SH3KBP1: variants seen among roughly 807,000 people sequenced by gnomAD.
SH3KBP1 encodes SH3 domain containing kinase binding protein 1, also known as SH3 domain-containing kinase-binding protein 1.
SH3KBP1 carries 8 observed loss-of-function variants against 50.1 expected under a neutral mutation model. The ratio of observed to expected loss-of-function variants is 0.16; its 90% CI spans 0.09 to 0.29. The LOEUF (loss-of-function observed/expected upper bound fraction) is 0.29, where lower values mean the gene tolerates loss of function less well. Ranked by LOEUF, SH3KBP1 falls within the 10% of genes least tolerant of loss-of-function variation. SH3KBP1 has a pLI of 1.00. For synonymous variants in SH3KBP1, 227 were observed against 218.6 expected (o/e 1.04, Z -0.34); for missense variants, 377 against 535.2 (o/e 0.70, Z 2.92).
intron 6 of SH3KBP1, among the ~76,000 whole-genome samples, chrX:19,667,417 A>C (rs1422690926): frequency 9.0e-6 from 1 of 111,397 alleles, no homozygotes; most frequent in Non-Finnish European, 1.9e-5. Flanking sequence ...TGAGGCTAGG[A>C]GTTCAAAACC....
chrX:19,603,355 C>T (rs908327558), intron 9 of SH3KBP1, among the ~76,000 whole-genome samples: 7 of 112,404 alleles, frequency 6.2e-5, no homozygotes, highest in African/African-American at 1.6e-4. Flanking sequence ...ACAAAATGAC[C>T]GGGGCAGGCA....
chrX:19,736,803 G>T (rs1218113306), intron 3 of SH3KBP1, among the ~76,000 whole-genome samples: 1 of 111,413 alleles, frequency 9.0e-6, no homozygotes, highest in East Asian at 2.8e-4. Flanking sequence ...ATAATTAGAA[G>T]AAAATGCCCC....
chrX:19,743,611 A>T (rs2064834985), intron 3 of SH3KBP1, among the ~76,000 whole-genome samples: 1 of 111,720 alleles, frequency 9.0e-6, no homozygotes, highest in Non-Finnish European at 1.9e-5. Flanking sequence ...AGCTTCCTTC[A>T]AACCCAAGAT....
rs757944498 is a variant in SH3KBP1 at position 19,684,824 on chromosome X, T to C, written c.521-796A>G. Among the ~76,000 whole-genome samples the C allele has an allele frequency of 2.8e-4, 31 of 112,189 alleles. No individual in the cohort carries two copies. The South Asian group carries it at 7.0e-3, about 25-fold the overall frequency. ...ATGACACTCTTCCTTTGATCTTCTG[T>C]GGCATGTGTTTGGAAGTCATAAAAT... On this transcript the variant is annotated intron_variant, in intron 5 of 17. Coordinates refer to ENST00000397821, the MANE Select transcript of SH3KBP1 (RefSeq NM_031892.3).
At chrX:19,765,801 T>C (rs1333094039) in intron 2 of SH3KBP1, among the ~76,000 whole-genome samples, 3 of 112,183 alleles carry the variant, frequency 2.7e-5, no homozygotes, top group African/African-American at 9.7e-5. Context: ...ATAGGTTAAG[T>C]CATACAGTAT....
chrX:19,610,092 C>A lies in SH3KBP1; in HGVS notation c.898-2047G>T, dbSNP rs766199992. ...CTTAGTCACAGACTATAAATTCTAG[C>A]CCCAACTAACAACAAAAAAAACCAA... is the stretch of plus-strand genomic sequence containing the variant. On this transcript the variant is annotated intron_variant, in intron 8 of 17. Transcript: ENST00000397821. 2.7e-5 allele frequency among the ~76,000 whole-genome samples: 3 copies of A among 111,496 alleles called. No homozygotes were observed. In the South Asian group the frequency reaches 1.1e-3, roughly 42 times the overall value.
intron 1 of SH3KBP1, among the ~76,000 whole-genome samples, chrX:19,871,371 A>ACACAG (rs1170859562): frequency 8.9e-6 from 1 of 112,660 alleles, no homozygotes; most frequent in East Asian, 2.8e-4. Flanking sequence ...GAATTCCAAT[A>ACACAG]CACAGCAGTA....
At chrX:19,692,661 GTGTGTGTGTA>G (rs1397313360) in intron 5 of SH3KBP1, among the ~76,000 whole-genome samples, 9 of 75,454 alleles carry the variant, frequency 1.2e-4, no homozygotes, top group African/African-American at 5.8e-4. Context: ...GTGTGTGTGT[GTGTGTGTGTA>G]TGTATATATA....
chrX:19,576,025 G>A (rs2066186354), intron 12 of SH3KBP1, among the ~76,000 whole-genome samples: 1 of 112,344 alleles, frequency 8.9e-6, no homozygotes, highest in Admixed American at 9.5e-5. Context: ...GAGTTTCTAT[G>A]CCTACAGCTG....
At chrX:19,863,653 G>T (rs1416153320) in intron 1 of SH3KBP1, among the ~76,000 whole-genome samples, 1 of 111,378 alleles carries the variant, frequency 9.0e-6, no homozygotes, top group Non-Finnish European at 1.9e-5. Flanking sequence ...CCTGGGACGG[G>T]GTCCCCAGCT....
chrX:19,653,763 T>TAC (rs60424271), intron 6 of SH3KBP1, among the ~76,000 whole-genome samples: 2,858 of 80,216 alleles, frequency 0.036, 66 homozygotes, highest in East Asian at 0.071. Context: ...TATGTCTAAA[T>TAC]ACACACACAC....
At chrX:19,736,123 T>C (rs747638) in intron 3 of SH3KBP1, among the ~76,000 whole-genome samples, 18,942 of 111,127 alleles carry the variant, frequency 0.17, 1,265 homozygotes, top group African/African-American at 0.21. Flanking sequence ...TTTATTATTT[T>C]CCATAAATCT....
chrX:19,732,265 G>A (rs1239161682), intron 3 of SH3KBP1, among the ~76,000 whole-genome samples: 1 of 110,817 alleles, frequency 9.0e-6, no homozygotes, highest in African/African-American at 3.3e-5. Context: ...AAAATCTTCT[G>A]TTTATTTTGA....
intron 12 of SH3KBP1, among the ~76,000 whole-genome samples, chrX:19,585,690 C>CCAGCAGCAGCAG (rs760758680): frequency 1.1e-4 from 12 of 108,747 alleles, no homozygotes; most frequent in African/African-American, 2.4e-4. Context: ...ACCACCACTA[C>CCAGCAGCAGCAG]CAGCAGCAGC....
intron 12 of SH3KBP1, among the ~76,000 whole-genome samples, chrX:19,583,968 TTAA>T (rs1271842027): frequency 1.0e-5 from 1 of 96,018 alleles, no homozygotes; most frequent in Non-Finnish European, 2.0e-5. Context: ...TTAATATATA[TTAA>T]TGATATATTT....
At chrX:19,824,824 A>C (rs1051807363) in intron 2 of SH3KBP1, among the ~76,000 whole-genome samples, 1 of 111,775 alleles carries the variant, frequency 8.9e-6, no homozygotes, top group Non-Finnish European at 1.9e-5. Context: ...TTTCTGCACT[A>C]CAACAGTTAC....
intron 8 of SH3KBP1, among the ~76,000 whole-genome samples, chrX:19,628,746 AGTTAAGACTGGCT>A (rs1414826038): frequency 8.9e-6 from 1 of 111,870 alleles, no homozygotes; most frequent in African/African-American, 3.3e-5. Context: ...AAGCAGCATG[AGTTAAGACTGGCT>A]GTGTGATTAG....
chrX:19,664,145 C>G lies in SH3KBP1; in HGVS notation c.727-18670G>C, dbSNP rs182335610. Among the ~76,000 whole-genome samples the G allele has an allele frequency of 3.6e-3, 402 of 111,874 alleles. 1 individual carries two copies. Among genetic ancestry groups the G allele is most frequent in the African/African-American group, 0.012 (382 of 30,794 alleles). ...CTCAGTCACCAGAGAGACCACAGAACAGTCAACTGTCAAATCCTACATAAT... is the reference window on the plus strand; with the variant it reads ...CTCAGTCACCAGAGAGACCACAGAAGAGTCAACTGTCAAATCCTACATAAT... On this transcript the variant is annotated intron_variant, in intron 6 of 17. Transcript: ENST00000397821.
intron 1 of SH3KBP1, among the ~76,000 whole-genome samples, chrX:19,855,044 C>T (rs919258697): frequency 1.8e-5 from 2 of 110,997 alleles, no homozygotes; most frequent in South Asian, 3.8e-4. Context: ...GGTGCGATGT[C>T]GGCTCACTGC....
Sources: allele counts gnomAD v4.1 joint callset (sites outside exome capture counted in the v4.1 genomes callset), GRCh38; gene constraint gnomAD v4.1.1; transcripts MANE v1.5; gene names NCBI Gene and HGNC (gene_info 2026-07-23, HGNC 2026-07-21).